Variants in EYS observed in about 807,000 individuals in gnomAD.
EYS encodes the protein EGF-like photoreceptor maintenance factor.
EYS carries 250 observed loss-of-function variants against 282.1 expected under a neutral mutation model. The observed-to-expected ratio is 0.89, with a 90% CI of 0.80 to 0.98. The LOEUF (loss-of-function observed/expected upper bound fraction) is 0.98. Among genes scored for constraint, EYS ranks in the 50% least tolerant of loss-of-function variants. The pLI, the probability that EYS is intolerant of heterozygous loss-of-function variation, is 0.00. For synonymous variants in EYS, 1,355 were observed against 1,282.9 expected (o/e 1.06, Z -1.20); for missense variants, 4,016 against 3,709.0 (o/e 1.08, Z -2.15).
chr6:64,512,801 T>C (rs1395440589), intron 26 of EYS, among the ~76,000 whole-genome samples: 1 of 152,020 alleles, frequency 6.6e-6, no homozygotes, highest in Non-Finnish European at 1.5e-5. Context: ...TACAATTTTT[T>C]AGAACACAAT....
At chr6:65,241,864 C>G (rs796187214) in intron 12 of EYS, among the ~76,000 whole-genome samples, 13 of 152,140 alleles carry the variant, frequency 8.5e-5, no homozygotes, top group African/African-American at 3.1e-4. Context: ...TTCCCTAACA[C>G]TTATTAACGA....
At chr6:65,429,596 T>C (rs1767799194) in intron 5 of EYS, among the ~76,000 whole-genome samples, 1 of 152,178 alleles carries the variant, frequency 6.6e-6, no homozygotes, top group East Asian at 1.9e-4. Context: ...CCAAACCCAA[T>C]TTGCTAATTT....
intron 24 of EYS, among the ~76,000 whole-genome samples, chr6:64,611,793 A>T (rs956511966): frequency 6.6e-6 from 1 of 152,138 alleles, no homozygotes; most frequent in Admixed American, 6.6e-5. Flanking sequence ...GTGAGTATCC[A>T]AAAGATGTGT....
At chr6:64,936,266 C>A (rs551142622) in intron 15 of EYS, among the ~76,000 whole-genome samples, 34 of 151,320 alleles carry the variant, frequency 2.2e-4, no homozygotes, top group African/African-American at 8.0e-4. Context: ...AAAAAAAACA[C>A]TCAACAAACC....
chr6:64,572,352 T>A (rs529359581), intron 26 of EYS, among the ~76,000 whole-genome samples: 2 of 152,170 alleles, frequency 1.3e-5, no homozygotes, highest in Non-Finnish European at 2.9e-5. Context: ...CGCATTCCCT[T>A]TGAAAACCAG....
At chr6:64,669,959 T>C (rs1234242099) in intron 22 of EYS, among the ~76,000 whole-genome samples, 1 of 152,212 alleles carries the variant, frequency 6.6e-6, no homozygotes, top group Non-Finnish European at 1.5e-5. Flanking sequence ...GCAATTAACA[T>C]AGAGAACTTT....
At chr6:64,987,809 C>T (rs936698606) in intron 14 of EYS, among the ~76,000 whole-genome samples, 1 of 151,316 alleles carries the variant, frequency 6.6e-6, no homozygotes, top group African/African-American at 2.4e-5. Flanking sequence ...GCAAACTAGT[C>T]CTTGATTGTA....
At chr6:65,563,541 T>A (rs1200331661) in intron 2 of EYS, among the ~76,000 whole-genome samples, 1 of 152,104 alleles carries the variant, frequency 6.6e-6, no homozygotes, top group African/African-American at 2.4e-5. Flanking sequence ...ATAACAAAAT[T>A]AAGACTATCA....
chr6:64,429,077 A>G (rs1198516453), intron 28 of EYS, among the ~76,000 whole-genome samples: 1 of 152,166 alleles, frequency 6.6e-6, no homozygotes, highest in Non-Finnish European at 1.5e-5. Flanking sequence ...ATCTTTTTCT[A>G]GAGAAAAAAA....
At chr6:65,124,979 G>A (rs1444267137) in intron 12 of EYS, among the ~76,000 whole-genome samples, 2 of 152,174 alleles carry the variant, frequency 1.3e-5, no homozygotes, top group African/African-American at 4.8e-5. Flanking sequence ...ATAAGATGTT[G>A]TCAATCTGTT....
rs35574788 is a variant in EYS at position 65,280,865 on chromosome 6, A to ATAT, written c.2023+14997_2023+14998insATA. Among the ~76,000 whole-genome samples the ATAT allele has an allele frequency of 2.7e-3, 365 of 135,920 alleles. 1 individual carries two copies. Among genetic ancestry groups the ATAT allele is most frequent in the African/African-American group, 7.3e-3 (269 of 36,902 alleles). The allele number at this position is 135,920 out of a possible 152,430, so 89.2% of individuals were successfully genotyped here. Reference sequence around the variant, plus strand: ...AAACCCCGTCTGTACTAAAAAAAAAAATATATATATATATATATAAATCAG... The same window carrying ATAT: ...AAACCCCGTCTGTACTAAAAAAAAAATATATATATATATATATATATAAATCAG... On this transcript the variant is annotated intron_variant, in intron 12 of 42. Coordinates refer to ENST00000503581, the MANE Select transcript of EYS (RefSeq NM_001142800.2).
chr6:64,345,527 T>G (rs1771350131), intron 29 of EYS, among the ~76,000 whole-genome samples: 1 of 152,136 alleles, frequency 6.6e-6, no homozygotes, highest in South Asian at 2.1e-4. Context: ...GATCCCTTCC[T>G]TACACCTTAT....
intron 2 of EYS, among the ~76,000 whole-genome samples, chr6:65,546,032 T>G (rs1409879464): frequency 1.3e-5 from 2 of 151,476 alleles, no homozygotes; most frequent in African/African-American, 4.8e-5. Context: ...TTGTTGTTTT[T>G]TTTTTGAGAT....
chr6:64,479,241 C>T (rs1490941481), intron 26 of EYS, among the ~76,000 whole-genome samples: 1 of 151,878 alleles, frequency 6.6e-6, no homozygotes, highest in African/African-American at 2.4e-5. Flanking sequence ...TGGCAAAAAC[C>T]TGTTAACCAA....
chr6:63,761,917 TAGCCAC>T (rs1461476464), intron 41 of EYS, among the ~76,000 whole-genome samples: 1 of 152,060 alleles, frequency 6.6e-6, no homozygotes, highest in Non-Finnish European at 1.5e-5. Context: ...CATTATCCCT[TAGCCAC>T]AGCCCAGCTT....
intron 35 of EYS, among the ~76,000 whole-genome samples, chr6:63,893,407 A>G (rs1307972437): frequency 6.6e-6 from 1 of 152,170 alleles, no homozygotes; most frequent in Non-Finnish European, 1.5e-5. Flanking sequence ...TAAAAAAAGG[A>G]TGAGTTCTTG....
At chr6:65,203,210 C>A (rs982249954) in intron 12 of EYS, among the ~76,000 whole-genome samples, 5 of 152,198 alleles carry the variant, frequency 3.3e-5, no homozygotes, top group Admixed American at 6.5e-5. Flanking sequence ...CCCATCACAA[C>A]TGCTGAAACC....
At chr6:65,618,938 C>A (rs1451114919) in intron 2 of EYS, among the ~76,000 whole-genome samples, 6 of 152,108 alleles carry the variant, frequency 3.9e-5, no homozygotes, top group Non-Finnish European at 5.9e-5. Flanking sequence ...CAGTACCATG[C>A]TGTTTTGGTT....
rs930440486 is a variant in EYS at position 63,787,811 on chromosome 6, T to C, written c.7723+294A>G. 9.9e-5 allele frequency among the ~76,000 whole-genome samples: 15 copies of C among 152,176 alleles called. No homozygotes were observed. The Middle Eastern group carries it at 0.01, about 104-fold the overall frequency. On this transcript the variant is annotated intron_variant, in intron 39 of 42. Transcript: ENST00000503581. ...AAAATTAGCTGGGCGTGGTTGTGCA[T>C]GCCTGTAATCCCAGCTACTAGGGAG... is the stretch of plus-strand genomic sequence containing the variant.
Sources: gnomAD v4.1 joint callset for allele counts (sites outside exome capture counted in the v4.1 genomes callset) on GRCh38, gnomAD v4.1.1 for gene constraint, MANE v1.5 for transcripts, NCBI Gene and HGNC (gene_info 2026-07-23, HGNC 2026-07-21) for gene names.